The following ARHGAP15 variants were observed in gnomAD, a reference collection of about 807,000 sequenced individuals.
ARHGAP15 encodes the protein rho GTPase-activating protein 15.
In ARHGAP15, 51 loss-of-function variants were observed where a neutral mutation model predicts 63.7. The ratio of observed to expected loss-of-function variants is 0.80; its 90% CI spans 0.64 to 1.01. The LOEUF is 1.01. ARHGAP15 is among the 50% of genes least tolerant of loss of function. ARHGAP15 has a pLI of 0.00. For synonymous variants in ARHGAP15, 191 were observed against 193.8 expected (o/e 0.99, Z 0.12); for missense variants, 560 against 564.6 (o/e 0.99, Z 0.08).
At chr2:143,136,925 C>A (rs1168268850) in intron 1 of ARHGAP15, among the ~76,000 whole-genome samples, 1 of 151,984 alleles carries the variant, frequency 6.6e-6, no homozygotes, top group Admixed American at 6.6e-5. Flanking sequence ...TGAATTCAAT[C>A]ACTTCTTTCC....
chr2:143,238,198 G>T (rs975113494), intron 5 of ARHGAP15: 2 of 152,034 alleles, frequency 1.3e-5, no homozygotes, highest in Non-Finnish European at 2.9e-5. Context: ...GACAAATGGG[G>T]TCTAATTAAA....
intron 6 of ARHGAP15, among the ~76,000 whole-genome samples, chr2:143,288,666 AC>A (rs1351367025): frequency 6.6e-6 from 1 of 151,278 alleles, no homozygotes; most frequent in Non-Finnish European, 1.5e-5. Flanking sequence ...ACTGTTTAAG[AC>A]CCTATCCACT....
At position 143,239,990 on chromosome 2, in the gene ARHGAP15, C is replaced by CAAAAAAAAAAAAAAAAAAAAA. The variant is rs60960176; in HGVS notation, c.385-10510_385-10490dup. On this transcript the variant is annotated intron_variant, in intron 5 of 13. Coordinates refer to ENST00000295095, the MANE Select transcript of ARHGAP15 (RefSeq NM_018460.4). ...TGGGTGATAGAGTGAGACTCTGTCT[C>CAAAAAAAAAAAAAAAAAAAAA]AAAAAAAAAAAAAAAAAAAAAAAAA... is the stretch of plus-strand genomic sequence containing the variant. 1.5e-4 allele frequency among the ~76,000 whole-genome samples: 4 copies of CAAAAAAAAAAAAAAAAAAAAA among 26,468 alleles called. 2 individuals are homozygous for CAAAAAAAAAAAAAAAAAAAAA. The East Asian group carries it at 6.5e-3, about 43-fold the overall frequency. 17.4% of individuals were successfully genotyped at this position (26,468 alleles called of 152,430 possible).
At chr2:143,442,858 T>C (rs961347094) in intron 8 of ARHGAP15, among the ~76,000 whole-genome samples, 4 of 152,128 alleles carry the variant, frequency 2.6e-5, no homozygotes, top group Admixed American at 1.3e-4. Flanking sequence ...AATAAAAGAA[T>C]ATACATATTT....
At chr2:143,214,402 A>T (rs1185876728) in intron 3 of ARHGAP15, among the ~76,000 whole-genome samples, 1 of 152,240 alleles carries the variant, frequency 6.6e-6, no homozygotes. Flanking sequence ...ACATTTGTGG[A>T]TACCAGTGAT....
chr2:143,255,131 C>CT (rs1213838656), intron 6 of ARHGAP15, among the ~76,000 whole-genome samples: 1 of 152,072 alleles, frequency 6.6e-6, no homozygotes, highest in African/African-American at 2.4e-5. Context: ...TTGGGCTCTT[C>CT]TATAGATTTC....
chr2:143,306,412 T>C (rs1249511567), intron 6 of ARHGAP15, among the ~76,000 whole-genome samples: 1 of 152,042 alleles, frequency 6.6e-6, no homozygotes, highest in African/African-American at 2.4e-5. Flanking sequence ...GCTCTGTCAT[T>C]TACTAGCTAA....
At chr2:143,311,857 G>A (rs1355037853) in intron 6 of ARHGAP15, among the ~76,000 whole-genome samples, 2 of 151,992 alleles carry the variant, frequency 1.3e-5, no homozygotes, top group East Asian at 1.9e-4. Flanking sequence ...GATTCTCTTA[G>A]GGTTTTCAGA....
chr2:143,477,169 TACACACACACACACATGCTCGC>T (rs1277840046), intron 8 of ARHGAP15, among the ~76,000 whole-genome samples: 8 of 150,976 alleles, frequency 5.3e-5, no homozygotes, highest in East Asian at 3.9e-4. Context: ...CCAAATCATT[TACACACACACACACATGCTCGC>T]ACACACACAC....
chr2:143,150,286 G>C (rs1410295432), intron 1 of ARHGAP15, among the ~76,000 whole-genome samples: 1 of 151,970 alleles, frequency 6.6e-6, no homozygotes, highest in Non-Finnish European at 1.5e-5. Context: ...AGGCTGCTGA[G>C]CTTTAGTGTA....
chr2:143,436,255 T>C (rs931087668), intron 7 of ARHGAP15, among the ~76,000 whole-genome samples: 3 of 152,148 alleles, frequency 2.0e-5, no homozygotes, highest in African/African-American at 7.2e-5. Flanking sequence ...ATGCTGAGTC[T>C]CTAGAACAAA....
At chr2:143,630,940 A>G (rs918869386) in intron 12 of ARHGAP15, among the ~76,000 whole-genome samples, 4 of 152,042 alleles carry the variant, frequency 2.6e-5, no homozygotes, top group African/African-American at 7.2e-5. Flanking sequence ...GTTATTCCCA[A>G]AAGTTTCCTC....
rs1200340372 is a variant in ARHGAP15, at chr2:143,231,292, AAT to A, written c.384+2626_384+2627del. Among the ~76,000 whole-genome samples the A allele has an allele frequency of 2.6e-5, 4 of 152,144 alleles. No homozygotes were observed. The East Asian group carries it at 7.7e-4, about 29-fold the overall frequency. On this transcript the variant is annotated intron_variant, in intron 5 of 13. Coordinates refer to ENST00000295095, the MANE Select transcript of ARHGAP15 (RefSeq NM_018460.4). ...AAATATAACATATTCTATAGTACAC[AAT>A]AGAGAGTATAATTATATTATTACAT...
At chr2:143,180,566 A>G (rs1056915948) in intron 2 of ARHGAP15, among the ~76,000 whole-genome samples, 3 of 152,242 alleles carry the variant, frequency 2.0e-5, no homozygotes, top group Admixed American at 6.5e-5. Context: ...TCTTAGTGAC[A>G]TCTAGAATGG....
At chr2:143,488,420 A>C (rs1281293372) in intron 9 of ARHGAP15, among the ~76,000 whole-genome samples, 1 of 152,262 alleles carries the variant, frequency 6.6e-6, no homozygotes, top group Non-Finnish European at 1.5e-5. Context: ...TATCTTACAG[A>C]ATATACAGAC....
At chr2:143,424,875 A>T (rs1457363145) in intron 6 of ARHGAP15, among the ~76,000 whole-genome samples, 1 of 152,138 alleles carries the variant, frequency 6.6e-6, no homozygotes, top group African/African-American at 2.4e-5. Context: ...TTAGAATTGG[A>T]CCAATGACAG....
intron 11 of ARHGAP15, among the ~76,000 whole-genome samples, chr2:143,584,572 T>C (rs970339433): frequency 8.6e-5 from 13 of 151,982 alleles, no homozygotes; most frequent in African/African-American, 3.1e-4. Context: ...GTTGCAGTGA[T>C]CCAAGATCAT....
intron 8 of ARHGAP15, among the ~76,000 whole-genome samples, chr2:143,444,693 G>A (rs576537086): frequency 1.4e-4 from 21 of 152,088 alleles, no homozygotes; most frequent in African/African-American, 4.6e-4. Flanking sequence ...AAAAAAATCC[G>A]TTGTTAACAC....
chr2:143,309,057 G>T (rs542881344), intron 6 of ARHGAP15, among the ~76,000 whole-genome samples: 1 of 151,740 alleles, frequency 6.6e-6, no homozygotes, highest in South Asian at 2.1e-4. Flanking sequence ...ATTGCTAAAG[G>T]TATTTTCATT....
Sources: allele counts gnomAD v4.1 joint callset (sites outside exome capture counted in the v4.1 genomes callset), GRCh38; gene constraint gnomAD v4.1.1; transcripts MANE v1.5; gene names NCBI Gene and HGNC (gene_info 2026-07-23, HGNC 2026-07-21).